Variants in USP53 observed in about 807,000 individuals in gnomAD.
USP53 encodes the protein ubiquitin specific peptidase 53.
In USP53, 71 loss-of-function variants were observed where a neutral mutation model predicts 94.9. The ratio of observed to expected loss-of-function variants is 0.75; its 90% CI spans 0.62 to 0.91. The LOEUF (loss-of-function observed/expected upper bound fraction) is 0.91, where lower values mean the gene tolerates loss of function less well. USP53 is among the 40% of genes least tolerant of loss of function. The probability of loss-of-function intolerance (pLI) is 0.00; values close to 1 mark genes in which losing one functional copy is unlikely to be tolerated. For missense variants in USP53, 1,173 were observed against 1,281.0 expected (o/e 0.92, Z 1.29); for synonymous variants, 375 against 422.7 (o/e 0.89, Z 1.39).
chr4:119,223,990 A>T (rs1017597341), intron 3 of USP53, among the ~76,000 whole-genome samples: 23 of 151,986 alleles, frequency 1.5e-4, no homozygotes, highest in African/African-American at 4.8e-4. Context: ...CTTTTTAAAT[A>T]TTTTTTATGT....
At chr4:119,258,750 G>C (rs1750089241) in intron 9 of USP53, among the ~76,000 whole-genome samples, 1 of 152,140 alleles carries the variant, frequency 6.6e-6, no homozygotes. Context: ...ACTACCACCA[G>C]AACAGTATCG....
At chr4:119,291,960 G>A (rs981177060) in intron 18 of USP53, among the ~76,000 whole-genome samples, 10 of 152,080 alleles carry the variant, frequency 6.6e-5, no homozygotes, top group African/African-American at 2.4e-4. Flanking sequence ...TTGGAATGTT[G>A]GTGGGGAGAT....
intron 9 of USP53, among the ~76,000 whole-genome samples, chr4:119,258,994 A>G (rs1683833224): frequency 6.6e-6 from 1 of 152,192 alleles, no homozygotes; most frequent in South Asian, 2.1e-4. Flanking sequence ...AATGATTAGT[A>G]TCCTGGCTGA....
rs769674592 is a variant in USP53, at chr4:119,271,255, T to C, written c.1436-41T>C. The C allele has an allele frequency of 5.9e-6, 9 of 1,520,610 alleles. No individual in the cohort carries two copies. The South Asian group carries it at 8.2e-5, about 14-fold the overall frequency. 94.2% of individuals were successfully genotyped at this position (1,520,610 alleles called of 1,614,324 possible). On this transcript the variant is annotated intron_variant, in intron 15 of 18. Transcript: ENST00000692078. ...TTGCCTTGTGACTACAAGGTGGCTC[T>C]GAGGAGTAATTCATGTGTATCTTTA...
At chr4:119,249,542 C>A (rs1748682376) in intron 7 of USP53, among the ~76,000 whole-genome samples, 1 of 152,070 alleles carries the variant, frequency 6.6e-6, no homozygotes, top group African/African-American at 2.4e-5. Context: ...TAAATTCTTT[C>A]ATCAGAAACC....
chr4:119,274,207 A>G (rs573749561), intron 17 of USP53, among the ~76,000 whole-genome samples: 45 of 150,236 alleles, frequency 3.0e-4, no homozygotes, highest in African/African-American at 9.8e-4. Context: ...CTAACTCGTC[A>G]TCTAGCATTA....
chr4:119,231,707 A>G (rs1488725659), intron 3 of USP53, among the ~76,000 whole-genome samples: 1 of 152,154 alleles, frequency 6.6e-6, no homozygotes, highest in African/African-American at 2.4e-5. Context: ...ACAGAGAAGG[A>G]GCCGGAGGTG....
intron 3 of USP53, chr4:119,218,385 C>T (rs1037559060): frequency 6.6e-6 from 1 of 152,182 alleles, no homozygotes; most frequent in Non-Finnish European, 1.5e-5. Context: ...ATTCTGGATA[C>T]ATGTGTATGC....
intron 5 of USP53, among the ~76,000 whole-genome samples, chr4:119,242,342 T>A (rs1747655773): frequency 6.6e-6 from 1 of 152,226 alleles, no homozygotes; most frequent in Non-Finnish European, 1.5e-5. Context: ...ATTTTACTTT[T>A]AAACTTTGTT....
Position 119,242,596 on chromosome 4 carries a change from T to G in USP53, c.144+2693T>G, listed in dbSNP as rs911410116. Among the ~76,000 whole-genome samples the G allele has an allele frequency of 4.5e-4, 69 of 152,160 alleles. 4 individuals carry two copies. The highest frequency in any genetic ancestry group is 8.8e-5 in the Non-Finnish European group (6 of 68,030). On this transcript the variant is annotated intron_variant, in intron 5 of 18. Coordinates refer to ENST00000692078, the MANE Select transcript of USP53 (RefSeq NM_001371395.1). ...AGGAGGATCCTCTACTGATCCCTGA[T>G]GTTAACTCTCTGTGCAGCTCTCTGC...
At chr4:119,281,934 C>T (rs566442165) in intron 17 of USP53, among the ~76,000 whole-genome samples, 37 of 152,192 alleles carry the variant, frequency 2.4e-4, no homozygotes, top group African/African-American at 8.2e-4. Flanking sequence ...TTTCTATCTT[C>T]TCAAACTGAA....
At chr4:119,287,397 C>G (rs1754231370) in intron 17 of USP53, among the ~76,000 whole-genome samples, 1 of 152,032 alleles carries the variant, frequency 6.6e-6, no homozygotes, top group Non-Finnish European at 1.5e-5. Context: ...ATGACTCTTT[C>G]TTGGAAATTG....
chr4:119,232,075 C>A (rs1746152558), intron 3 of USP53, among the ~76,000 whole-genome samples: 1 of 152,188 alleles, frequency 6.6e-6, no homozygotes, highest in African/African-American at 2.4e-5. Context: ...ATGGCAGTCT[C>A]AGGAATGCTA....
In USP53 at chr4:119,260,535, G is replaced by T. The variant is rs562373380; in HGVS notation, c.704G>T (p.Arg235Leu). 20 of 1,613,158 alleles carry T rather than the reference G, an allele frequency of 1.2e-5. No individual in the cohort carries two copies. The South Asian group carries it at 2.0e-4, about 16-fold the overall frequency. Residue 235 changes from arginine (R) to leucine (L), a missense_variant, in exon 11 of 19, where the codon CGC (arginine) becomes CTC (leucine). Arg to Leu is a moderately radical substitution (Grantham distance 102). Coordinates refer to ENST00000692078, the MANE Select transcript of USP53 (RefSeq NM_001371395.1). ...AACTGTGGCCAAAAAATAAAAATTC[G>T]CCGTGTTTTAATGAATTGCCCAGAG... ...PSNCGQKIKI[R>L]RVLMNCPEIV...
chr4:119,279,800 G>C (rs190513350), intron 17 of USP53, among the ~76,000 whole-genome samples: 273 of 152,328 alleles, frequency 1.8e-3, no homozygotes, highest in African/African-American at 6.0e-3. Flanking sequence ...ATATAATCTC[G>C]TGGTTCGCCG....
Position 119,259,841 on chromosome 4 carries a change from G to A in USP53, c.591G>A (p.Leu197=). ...GTAGCAATGAGGTTGAAAGAATGTTGGAAAGGCATGAACGCTTTAAACCTG... is the reference window on the plus strand; with the variant it reads ...GTAGCAATGAGGTTGAAAGAATGTTAGAAAGGCATGAACGCTTTAAACCTG... ...TALCNEVERM[L]ERHERFKPEM... is the part of the protein sequence containing the mutation. The change falls in exon 10 of 19, where the codon TTG becomes TTA. Residue 197 remains leucine, a synonymous_variant. Coordinates refer to ENST00000692078, the MANE Select transcript of USP53 (RefSeq NM_001371395.1). 1 of 1,610,064 alleles carries A rather than the reference G, an allele frequency of 6.2e-7. No homozygotes were observed. Among genetic ancestry groups the A allele is most frequent in the South Asian group, 1.1e-5 (1 of 90,414 alleles).
intron 11 of USP53, among the ~76,000 whole-genome samples, chr4:119,260,982 C>A: frequency 8.9e-6 from 1 of 112,050 alleles, no homozygotes; most frequent in South Asian, 2.9e-4. Flanking sequence ...TTTTTTGCGG[C>A]AGAGTCTTGC....
In USP53 at chr4:119,271,389, G is replaced by C. The variant is rs1751839961; in HGVS notation, c.1529G>C (p.Ser510Thr). 6.2e-7 allele frequency: 1 copy of C among 1,613,422 alleles called. No homozygotes were observed. Among genetic ancestry groups the C allele is most frequent in the African/African-American group, 1.3e-5 (1 of 74,812 alleles). The change falls in exon 16 of 19, where the codon AGT (serine) becomes ACT (threonine). Residue 510 changes from serine (S) to threonine (T), a missense_variant. Ser to Thr is a moderately conservative substitution (Grantham distance 58). Coordinates refer to ENST00000692078, the MANE Select transcript of USP53 (RefSeq NM_001371395.1). ...CATGGGAATCCACATCTATATCATA[G>C]TCAAGGAAAAGGATCATATAAACAT... ...KQHGNPHLYH[S>T]QGKGSYKHDR... is the part of the protein sequence containing the mutation.
At chr4:119,220,833 C>G (rs79509626) in intron 3 of USP53, 5,614 of 152,238 alleles carry the variant, frequency 0.037, 125 homozygotes, top group South Asian at 0.074. Flanking sequence ...ACTCTATATA[C>G]TACAAGTAAA....
Sources: allele counts gnomAD v4.1 joint callset (sites outside exome capture counted in the v4.1 genomes callset), GRCh38; gene constraint gnomAD v4.1.1; transcripts MANE v1.5; gene names NCBI Gene and HGNC (gene_info 2026-07-23, HGNC 2026-07-21).